Variants in PAM observed in about 807,000 individuals in gnomAD.
PAM encodes peptidylglycine alpha-amidating monooxygenase.
In PAM, 72 loss-of-function variants were observed where a neutral mutation model predicts 122.1. The observed-to-expected ratio is 0.59, with a 90% CI of 0.49 to 0.72. The LOEUF (loss-of-function observed/expected upper bound fraction) is 0.72. Among genes scored for constraint, PAM ranks in the 30% least tolerant of loss-of-function variants. The pLI is 0.00. For missense variants in PAM, 1,106 were observed against 1,183.7 expected (o/e 0.93, Z 0.96); for synonymous variants, 389 against 404.4 (o/e 0.96, Z 0.46).
chr5:102,809,808 A>G (rs1001393504), intron 1 of PAM, among the ~76,000 whole-genome samples: 2 of 152,214 alleles, frequency 1.3e-5, no homozygotes, highest in African/African-American at 4.8e-5. Context: ...AAATATCGTA[A>G]TGCTTAGTCT....
chr5:102,877,410 A>G (rs1019639152), intron 3 of PAM, among the ~76,000 whole-genome samples: 1 of 152,236 alleles, frequency 6.6e-6, no homozygotes, highest in African/African-American at 2.4e-5. Flanking sequence ...CAGGACTGCA[A>G]TCATAATTTT....
intron 1 of PAM, among the ~76,000 whole-genome samples, chr5:102,797,625 G>T (rs79391386): frequency 0.028 from 4,334 of 152,222 alleles, 122 homozygotes; most frequent in East Asian, 0.14. Context: ...TTTTTCCAAA[G>T]AATTATTGAT....
chr5:102,781,838 G>A (rs1362757558), intron 1 of PAM, among the ~76,000 whole-genome samples: 3 of 152,084 alleles, frequency 2.0e-5, no homozygotes, highest in Non-Finnish European at 4.4e-5. Flanking sequence ...GATTAGCCGT[G>A]CTCTTCTAAG....
At chr5:102,882,045 A>G (rs1275782873) in intron 3 of PAM, among the ~76,000 whole-genome samples, 10 of 106,058 alleles carry the variant, frequency 9.4e-5, no homozygotes, top group African/African-American at 2.2e-4. Flanking sequence ...GTAGTATTCC[A>G]TCGTGGAATA....
intron 9 of PAM, among the ~76,000 whole-genome samples, chr5:102,948,810 C>T (rs779602318): frequency 2.0e-5 from 3 of 152,006 alleles, no homozygotes; most frequent in Admixed American, 1.3e-4. Flanking sequence ...AAAAATTAAA[C>T]GACTAGCAAA....
chr5:102,779,405 A>G (rs910996396), intron 1 of PAM, among the ~76,000 whole-genome samples: 1 of 152,124 alleles, frequency 6.6e-6, no homozygotes, highest in Non-Finnish European at 1.5e-5. Context: ...TCCTATATGT[A>G]GAATAACAGT....
Position 102,974,295 on chromosome 5 carries a change from A to C in PAM, c.1342A>C (p.Arg448=). ...SDAREGAEHE[R]GNAILVRDRI... ...TGCCAGAGAGGGTGCAGAACATGAG[A>C]GGGGTAATGCTATTCTTGTCAGAGA... Residue 448 remains arginine (R), a synonymous_variant, in exon 15 of 26, where the codon AGG becomes CGG. Coordinates refer to ENST00000438793, the MANE Select transcript of PAM (RefSeq NM_001177306.2). 6.2e-7 allele frequency: 1 copy of C among 1,614,076 alleles called. No homozygotes were observed. Among genetic ancestry groups the C allele is most frequent in the South Asian group, 1.1e-5 (1 of 91,076 alleles).
At chr5:102,965,788 G>A (rs1422710642) in intron 14 of PAM, among the ~76,000 whole-genome samples, 6 of 151,888 alleles carry the variant, frequency 4.0e-5, no homozygotes, top group East Asian at 3.9e-4. Context: ...AAAGGTCTTC[G>A]GACACCTTCT....
intron 1 of PAM, chr5:102,838,274 G>T (rs1188373486): frequency 6.6e-6 from 1 of 151,932 alleles, no homozygotes; most frequent in Non-Finnish European, 1.5e-5. Flanking sequence ...CAATCTTAAA[G>T]AATGGCCATC....
chr5:102,894,251 A>G (rs1795545983), intron 3 of PAM, among the ~76,000 whole-genome samples: 1 of 151,536 alleles, frequency 6.6e-6, no homozygotes, highest in Non-Finnish European at 1.5e-5. Context: ...AGAAGAACTG[A>G]GTTCTTTAAA....
chr5:102,961,276 C>T, intron 14 of PAM, 47 bp downstream of exon 14: 1 of 1,025,786 alleles, frequency 9.7e-7, no homozygotes, highest in Non-Finnish European at 1.5e-6. Context: ...GTATCAATTT[C>T]CAAGTAGGCA....
At chr5:102,921,876 C>T (rs907511704) in intron 5 of PAM, among the ~76,000 whole-genome samples, 2 of 152,122 alleles carry the variant, frequency 1.3e-5, no homozygotes, top group Admixed American at 6.5e-5. Flanking sequence ...CATGGTTTAG[C>T]TGTTTGACCT....
chr5:102,855,350 T>G (rs1308215646), intron 1 of PAM, among the ~76,000 whole-genome samples: 4 of 152,214 alleles, frequency 2.6e-5, no homozygotes, highest in Admixed American at 2.0e-4. Context: ...AAGAAAAGGA[T>G]AGCAAAACTT....
Position 103,007,724 on chromosome 5 carries a change from C to T in PAM, c.2215+67C>T, listed in dbSNP as rs1010501752. The T allele has an allele frequency of 4.2e-6, 4 of 956,796 alleles. No individual in the cohort carries two copies. The African/African-American group carries it at 5.1e-5, about 12-fold the overall frequency. The allele number at this position is 956,796 out of a possible 1,614,324, so 59.3% of individuals were successfully genotyped here. A position where few individuals can be genotyped will look rare whatever the true frequency, so the allele number is the denominator to read the frequency against. On this transcript the variant is annotated intron_variant, in intron 20 of 25. Coordinates refer to ENST00000438793, the MANE Select transcript of PAM (RefSeq NM_001177306.2). Reference sequence around the variant, plus strand: ...ACTCTATCCTTAAAAATTGTGTTATCTTAATGTGCTCTTTTTATAAATTTT... The same window carrying T: ...ACTCTATCCTTAAAAATTGTGTTATTTTAATGTGCTCTTTTTATAAATTTT...
intron 1 of PAM, among the ~76,000 whole-genome samples, chr5:102,850,248 G>A (rs1216257634): frequency 6.6e-6 from 1 of 152,190 alleles, no homozygotes; most frequent in East Asian, 1.9e-4. Flanking sequence ...CTTCTGAACT[G>A]AGGATGTTTT....
chr5:102,874,190 T>G (rs1788421364), intron 3 of PAM, among the ~76,000 whole-genome samples: 1 of 152,222 alleles, frequency 6.6e-6, no homozygotes, highest in African/African-American at 2.4e-5. Flanking sequence ...CTTTTTTCCC[T>G]TTCTATTTTG....
At chr5:102,814,543 T>TGATATATACATATATATA (rs1212403918) in intron 1 of PAM, among the ~76,000 whole-genome samples, 1 of 148,216 alleles carries the variant, frequency 6.7e-6, no homozygotes, top group Non-Finnish European at 1.5e-5. Flanking sequence ...ACATATATAT[T>TGATATATACATATATATA]GATATATACA....
chr5:102,961,047 A>T (rs1762341712), intron 13 of PAM, 111 bp from the exon 14 acceptor site: 1 of 541,328 alleles, frequency 1.8e-6, no homozygotes, highest in Admixed American at 2.9e-5. Flanking sequence ...TACGGTAATA[A>T]GCACAAGACC....
rs1181035890 is a variant in PAM at position 102,821,037 on chromosome 5, A to C, written c.-373-44786A>C. On this transcript the variant is annotated intron_variant, in intron 1 of 25. Coordinates refer to ENST00000438793, the MANE Select transcript of PAM (RefSeq NM_001177306.2). ...TTTGGAGGTGAACCAACAGAAAAGA[A>C]GGAACATAGTATGAATATATAGAAA... 2.0e-5 allele frequency among the ~76,000 whole-genome samples: 3 copies of C among 152,320 alleles called. No homozygotes were observed. The East Asian group carries it at 5.8e-4, about 29-fold the overall frequency.
Sources: allele counts gnomAD v4.1 joint callset (sites outside exome capture counted in the v4.1 genomes callset), GRCh38; gene constraint gnomAD v4.1.1; transcripts MANE v1.5; gene names NCBI Gene and HGNC (gene_info 2026-07-23, HGNC 2026-07-21).